The following ADCY7 variants were observed in gnomAD, a reference collection of about 807,000 sequenced individuals.
ADCY7 encodes the protein adenylate cyclase 7, also known as adenylate cyclase type 7.
In ADCY7, 72 loss-of-function variants were observed where a neutral mutation model predicts 120.6. The ratio of observed to expected loss-of-function variants is 0.60; its 90% CI spans 0.49 to 0.73. ADCY7 has a LOEUF of 0.73. ADCY7 is among the 30% of genes least tolerant of loss of function. ADCY7 has a pLI of 0.00. For missense variants in ADCY7, 1,227 were observed against 1,486.0 expected (o/e 0.83, Z 2.87); for synonymous variants, 661 against 628.0 (o/e 1.05, Z -0.78).
chr16:50,282,191 G>C (rs1417309588), intron 1 of ADCY7, among the ~76,000 whole-genome samples: 1 of 152,258 alleles, frequency 6.6e-6, no homozygotes, highest in East Asian at 1.9e-4. Flanking sequence ...GGCCGGGTGA[G>C]GAAGTGGGTG....
upstream of ADCY7, among the ~76,000 whole-genome samples, chr16:50,245,370 G>A (rs947933339): frequency 3.3e-5 from 5 of 152,128 alleles, no homozygotes; most frequent in African/African-American, 1.2e-4. Flanking sequence ...GGAAAGGGCG[G>A]GATTCATGGG....
intron 7 of ADCY7, among the ~76,000 whole-genome samples, chr16:50,298,424 C>T (rs1267362581): frequency 1.3e-5 from 2 of 152,180 alleles, no homozygotes; most frequent in African/African-American, 2.4e-5. Context: ...CTCCTGGGAA[C>T]ATCACTTCCC....
At chr16:50,254,957 T>A (rs1372131099) in intron 1 of ADCY7, among the ~76,000 whole-genome samples, 1 of 151,942 alleles carries the variant, frequency 6.6e-6, no homozygotes, top group Non-Finnish European at 1.5e-5. Context: ...TATTACAAGC[T>A]ACAGTAATTA....
chr16:50,264,990 C>T (rs2033159833), upstream of ADCY7, among the ~76,000 whole-genome samples: 2 of 152,032 alleles, frequency 1.3e-5, no homozygotes, highest in African/African-American at 4.8e-5. Flanking sequence ...GCTCATGCCA[C>T]CACGCCTGGC....
intron 1 of ADCY7, among the ~76,000 whole-genome samples, chr16:50,258,579 A>G (rs1192378205): frequency 1.3e-5 from 2 of 149,322 alleles, no homozygotes; most frequent in Non-Finnish European, 3.0e-5. Flanking sequence ...TTGATATTCA[A>G]TGACTTTAAG....
intron 15 of ADCY7, among the ~76,000 whole-genome samples, chr16:50,308,042 G>T (rs971412952): frequency 6.6e-6 from 1 of 151,284 alleles, no homozygotes; most frequent in South Asian, 2.1e-4. Flanking sequence ...TAGGGAATGC[G>T]TTTTTACAGT....
intron 6 of ADCY7, among the ~76,000 whole-genome samples, chr16:50,294,267 G>A (rs1009084484): frequency 6.6e-6 from 1 of 152,190 alleles, no homozygotes; most frequent in African/African-American, 2.4e-5. Flanking sequence ...GCTTGAGGGA[G>A]CATGGAGCTG....
intron 1 of ADCY7, among the ~76,000 whole-genome samples, chr16:50,253,710 G>A (rs1453184508): frequency 6.6e-6 from 1 of 152,132 alleles, no homozygotes; most frequent in Non-Finnish European, 1.5e-5. Flanking sequence ...GCTCCGGGGG[G>A]AGGGCTTTGC....
At chr16:50,277,237 G>C (rs1024929750) in intron 1 of ADCY7, among the ~76,000 whole-genome samples, 1 of 152,058 alleles carries the variant, frequency 6.6e-6, no homozygotes, top group Admixed American at 6.5e-5. Context: ...TCAATCTTTT[G>C]TTATTACAAA....
At chr16:50,309,759 G>A in intron 18 of ADCY7, 113 bp downstream of exon 18, 3 of 942,396 alleles carry the variant, frequency 3.2e-6, no homozygotes, top group Non-Finnish European at 4.6e-6. Flanking sequence ...CACAGCATGT[G>A]GAGGCTGAGA....
upstream of ADCY7, among the ~76,000 whole-genome samples, chr16:50,245,821 C>T (rs2032562641): frequency 6.6e-6 from 1 of 152,110 alleles, no homozygotes; most frequent in Admixed American, 6.5e-5. Flanking sequence ...GTGGGGCCGG[C>T]CTGGCGCTCC....
In ADCY7 at chr16:50,312,210, G is replaced by A. The variant is rs1163812681; in HGVS notation, c.2604+19G>A. 4 of 1,548,958 alleles carry A rather than the reference G, an allele frequency of 2.6e-6. No homozygotes were observed. In the East Asian group the frequency reaches 9.5e-5, roughly 37 times the overall value. ...AAACGAGGTGTGCTGAGAAGGGGCTGGGGCGGGGGCAGGGAGGCGGACGGT... is the reference window on the plus strand; with the variant it reads ...AAACGAGGTGTGCTGAGAAGGGGCTAGGGCGGGGGCAGGGAGGCGGACGGT... On this transcript the variant is annotated intron_variant, in intron 21 of 25. Coordinates refer to ENST00000673801, the MANE Select transcript of ADCY7 (RefSeq NM_001114.5).
chr16:50,305,865 A>G lies in ADCY7; in HGVS notation c.1752+16A>G. 1 of 1,613,134 alleles carries G rather than the reference A, an allele frequency of 6.2e-7. No homozygotes were observed. The highest frequency in any genetic ancestry group is 1.1e-5 in the South Asian group (1 of 91,080). ...TGAGCGCGAGGTGAGGGCCCCCAGC[A>G]GCCTCCTCCGCAGAGGGACGGGGTC... On this transcript the variant is annotated intron_variant, in intron 14 of 25. Coordinates refer to ENST00000673801, the MANE Select transcript of ADCY7 (RefSeq NM_001114.5).
upstream of ADCY7, among the ~76,000 whole-genome samples, chr16:50,262,326 C>T (rs183078926): frequency 6.6e-6 from 1 of 151,018 alleles, no homozygotes; most frequent in East Asian, 2.0e-4. Context: ...GGTGTGATCT[C>T]AGCTTACTGC....
chr16:50,289,666 A>G (rs981864717), intron 2 of ADCY7, among the ~76,000 whole-genome samples: 5 of 152,136 alleles, frequency 3.3e-5, no homozygotes, highest in African/African-American at 4.8e-5. Flanking sequence ...GGGTTTCACC[A>G]TGTTGGCCAG....
chr16:50,280,428 G>T (rs926777689), intron 1 of ADCY7, among the ~76,000 whole-genome samples: 11 of 147,324 alleles, frequency 7.5e-5, no homozygotes, highest in Admixed American at 5.4e-4. Flanking sequence ...GGTTTTTTGT[G>T]TCTTGATTTT....
intron 1 of ADCY7, among the ~76,000 whole-genome samples, chr16:50,280,359 T>C (rs1296926843): frequency 7.6e-6 from 1 of 131,462 alleles, no homozygotes; most frequent in African/African-American, 3.0e-5. Flanking sequence ...TAGTGGCCTA[T>C]TTTATTAATT....
chr16:50,300,370 C>T (rs1249562536), intron 8 of ADCY7, among the ~76,000 whole-genome samples: 1 of 152,208 alleles, frequency 6.6e-6, no homozygotes, highest in East Asian at 1.9e-4. Flanking sequence ...CCACGCCCGG[C>T]CCCCAGTAAA....
intron 1 of ADCY7, among the ~76,000 whole-genome samples, chr16:50,268,186 C>T (rs2033339231): frequency 1.3e-5 from 2 of 152,070 alleles, no homozygotes; most frequent in Non-Finnish European, 2.9e-5. Flanking sequence ...GTAACCTTTG[C>T]CTCCTGGGCT....
Sources: allele counts gnomAD v4.1 joint callset (sites outside exome capture counted in the v4.1 genomes callset), GRCh38; gene constraint gnomAD v4.1.1; transcripts MANE v1.5; gene names NCBI Gene and HGNC (gene_info 2026-07-23, HGNC 2026-07-21).